The following COL4A4 variants were observed in gnomAD, a reference collection of about 807,000 sequenced individuals.
The protein encoded by COL4A4 is collagen type IV alpha 4 chain.
A neutral mutation model predicts 192.9 loss-of-function variants in COL4A4; 105 were observed. That is an observed-to-expected ratio of 0.54 (90% CI 0.46 to 0.64). The LOEUF (loss-of-function observed/expected upper bound fraction) is 0.64. COL4A4 is among the 30% of genes least tolerant of loss of function. The pLI, the probability that COL4A4 is intolerant of heterozygous loss-of-function variation, is 0.00. For missense variants in COL4A4, 1,967 were observed against 2,169.3 expected (o/e 0.91, Z 1.85); for synonymous variants, 762 against 769.9 (o/e 0.99, Z 0.17).
chr2:227,098,648 A>C (rs1171090063), intron 19 of COL4A4, 46 bp downstream of exon 19: 1 of 1,423,410 alleles, frequency 7.0e-7, no homozygotes, highest in Non-Finnish European at 9.9e-7. Flanking sequence ...ATGATGATGC[A>C]GGAAATCTGA....
At chr2:227,084,592 T>C (rs2059488125) in intron 22 of COL4A4, among the ~76,000 whole-genome samples, 1 of 152,206 alleles carries the variant, frequency 6.6e-6, no homozygotes, top group Non-Finnish European at 1.5e-5. Context: ...AACCATTGTT[T>C]AGTAAATGTT....
At chr2:227,046,587 A>C (rs1244870316) in intron 35 of COL4A4, among the ~76,000 whole-genome samples, 2 of 152,106 alleles carry the variant, frequency 1.3e-5, no homozygotes, top group Non-Finnish European at 2.9e-5. Context: ...TGCATATTTT[A>C]AATATTGGTG....
chr2:227,110,411 G>A (rs968857733), intron 9 of COL4A4, among the ~76,000 whole-genome samples: 1 of 152,176 alleles, frequency 6.6e-6, no homozygotes, highest in South Asian at 2.1e-4. Flanking sequence ...AAGGCAAAAT[G>A]GAGTCTCTGT....
intron 22 of COL4A4, among the ~76,000 whole-genome samples, chr2:227,086,117 T>TCC (rs1413208895): frequency 6.6e-6 from 1 of 152,244 alleles, no homozygotes; most frequent in African/African-American, 2.4e-5. Flanking sequence ...CACTAGAGCA[T>TCC]CCTGGCCGGA....
chr2:226,973,639 G>T, the COL4A4 span, among the ~76,000 whole-genome samples: 1 of 152,306 alleles, frequency 6.6e-6, no homozygotes, highest in East Asian at 1.9e-4. Context: ...TTTTCTTCCA[G>T]AGACAAAGGT....
chr2:226,985,404 G>C, the COL4A4 span, among the ~76,000 whole-genome samples: 1 of 152,198 alleles, frequency 6.6e-6, no homozygotes, highest in Admixed American at 6.5e-5. Flanking sequence ...AGCAGCCTCT[G>C]TAGCGCCCAT....
chr2:227,104,095 A>G (rs745531090), intron 12 of COL4A4, 43 bp from the exon 13 acceptor site: 11 of 1,559,600 alleles, frequency 7.1e-6, no homozygotes, highest in South Asian at 6.7e-5. Flanking sequence ...ATATTAATTT[A>G]TGTTTTGAAG....
intron 44 of COL4A4, among the ~76,000 whole-genome samples, chr2:227,017,663 G>A (rs924078675): frequency 2.0e-5 from 3 of 152,210 alleles, no homozygotes; most frequent in South Asian, 2.1e-4. Flanking sequence ...TGGACTAATC[G>A]ACCCACTTCG....
intron 1 of COL4A4, among the ~76,000 whole-genome samples, chr2:227,153,006 T>C (rs2064064969): frequency 6.6e-6 from 1 of 152,182 alleles, no homozygotes; most frequent in Admixed American, 6.5e-5. Context: ...TAGGGAGGCC[T>C]CACAATCATG....
chr2:227,054,015 T>C (rs1974768456), intron 31 of COL4A4, among the ~76,000 whole-genome samples: 1 of 152,170 alleles, frequency 6.6e-6, no homozygotes, highest in African/African-American at 2.4e-5. Context: ...CACTGTGAAA[T>C]GGTTGAGGGG....
the COL4A4 span, among the ~76,000 whole-genome samples, chr2:226,967,371 ATTCT>A: frequency 6.6e-6 from 1 of 152,076 alleles, no homozygotes; most frequent in Non-Finnish European, 1.5e-5. Context: ...GAAGTTGAGA[ATTCT>A]TTTTTTCTTT....
At chr2:227,071,331 C>T (rs966278141) in intron 25 of COL4A4, among the ~76,000 whole-genome samples, 10 of 151,954 alleles carry the variant, frequency 6.6e-5, no homozygotes, top group African/African-American at 1.4e-4. Flanking sequence ...AATGATAAAA[C>T]GATCAACAAG....
intron 38 of COL4A4, 90 bp downstream of exon 38, chr2:227,033,320 A>T: frequency 2.7e-6 from 3 of 1,115,660 alleles, no homozygotes; most frequent in Non-Finnish European, 4.0e-6. Flanking sequence ...TCCAAATCTC[A>T]TGAAGTGCAG....
chr2:227,154,123 G>A (rs753891416), intron 1 of COL4A4, among the ~76,000 whole-genome samples: 5 of 152,168 alleles, frequency 3.3e-5, no homozygotes, highest in Non-Finnish European at 7.3e-5. Flanking sequence ...CCCAGCGGCA[G>A]TAATTTCCAG....
chr2:227,009,147 GC>G, intron 46 of COL4A4, among the ~76,000 whole-genome samples: 2 of 152,326 alleles, frequency 1.3e-5, no homozygotes, highest in Admixed American at 1.3e-4. Flanking sequence ...AAAGGCCATG[GC>G]CAAACCCAAG....
rs770152179 is a variant in COL4A4 at position 227,031,944 on chromosome 2, C to T, written c.3817+1G>A. 3 of 1,603,880 alleles carry T rather than the reference C, an allele frequency of 1.9e-6. No individual in the cohort carries two copies. Among genetic ancestry groups the T allele is most frequent in the Non-Finnish European group, 2.6e-6 (3 of 1,170,776 alleles). ...CATCCTTTGTCATGATTCTCTCATACCTCTTGGGCCATCAGGACCAGGAGG... is the reference window on the plus strand; with the variant it reads ...CATCCTTTGTCATGATTCTCTCATATCTCTTGGGCCATCAGGACCAGGAGG... On this transcript the variant is annotated splice_donor_variant, in intron 40 of 47. Coordinates refer to ENST00000396625, the MANE Select transcript of COL4A4 (RefSeq NM_000092.5). LOFTEE classifies it high-confidence loss of function.
At chr2:227,051,597 T>A (rs918324947) in intron 32 of COL4A4, among the ~76,000 whole-genome samples, 2 of 152,174 alleles carry the variant, frequency 1.3e-5, no homozygotes, top group Non-Finnish European at 2.9e-5. Context: ...GGGTGTCTGT[T>A]AGAAAGGCAG....
chr2:227,130,285 C>G (rs888268292), intron 4 of COL4A4, among the ~76,000 whole-genome samples: 4 of 152,156 alleles, frequency 2.6e-5, no homozygotes, highest in Non-Finnish European at 5.9e-5. Context: ...TGGGAAGAAC[C>G]CTGCACTGAG....
At chr2:226,999,475 A>T (rs1377627821), downstream of COL4A4, among the ~76,000 whole-genome samples, 1 of 152,204 alleles carries the variant, frequency 6.6e-6, no homozygotes, top group African/African-American at 2.4e-5. Flanking sequence ...CCCTGTGAGT[A>T]GTACCGAATC....
Sources: gnomAD v4.1 joint callset for allele counts (sites outside exome capture counted in the v4.1 genomes callset) on GRCh38, gnomAD v4.1.1 for gene constraint, MANE v1.5 for transcripts, NCBI Gene and HGNC (gene_info 2026-07-23, HGNC 2026-07-21) for gene names.